The following LRP1B variants were observed in gnomAD, a reference collection of about 807,000 sequenced individuals.
The protein encoded by LRP1B is LDL receptor related protein 1B, also known as low-density lipoprotein receptor-related protein 1B.
LRP1B carries 217 observed loss-of-function variants against 556.6 expected under a neutral mutation model. The observed-to-expected ratio is 0.39, with a 90% CI of 0.35 to 0.44. The LOEUF (loss-of-function observed/expected upper bound fraction) is 0.44. Among genes scored for constraint, LRP1B ranks in the 20% least tolerant of loss-of-function variants. The pLI is 1.00. For synonymous variants in LRP1B, 2,047 were observed against 1,865.8 expected, an observed-to-expected ratio of 1.10 and a Z score of -2.50; for missense variants, 5,053 against 5,620.8, an observed-to-expected ratio of 0.90 and a Z score of 3.23.
rs147804652 is a variant in LRP1B, at chr2:141,433,105, A to G, written c.343+47291T>C. ...ATGTTTTCATTTTCATTCATCTCAA[A>G]GTATTTTCTAACTTTACTTGTGATA... On this transcript the variant is annotated intron_variant, in intron 3 of 90. Transcript: ENST00000389484. 8.8e-3 allele frequency among the ~76,000 whole-genome samples: 1,344 copies of G among 152,158 alleles called. 18 individuals carry two copies. The highest frequency in any genetic ancestry group is 0.031 in the African/African-American group (1,277 of 41,552).
At chr2:140,376,282 A>T (rs1176806446) in intron 68 of LRP1B, among the ~76,000 whole-genome samples, 1 of 145,594 alleles carries the variant, frequency 6.9e-6, no homozygotes, top group Non-Finnish European at 1.5e-5. Flanking sequence ...GATTTTAAAG[A>T]AGTAGTAGTA....
At chr2:141,528,621 T>C (rs952643806) in intron 2 of LRP1B, among the ~76,000 whole-genome samples, 8 of 152,140 alleles carry the variant, frequency 5.3e-5, no homozygotes, top group African/African-American at 1.4e-4. Flanking sequence ...ATGACAGATA[T>C]GTGATTTGAG....
intron 41 of LRP1B, among the ~76,000 whole-genome samples, chr2:140,660,876 T>G (rs866292221): frequency 0.015 from 2,202 of 151,738 alleles, 54 homozygotes; most frequent in African/African-American, 0.05. Context: ...TTTGTGTTTT[T>G]TTTTTTTTTA....
At chr2:140,942,816 C>T (rs1408551462) in intron 20 of LRP1B, among the ~76,000 whole-genome samples, 3 of 152,062 alleles carry the variant, frequency 2.0e-5, no homozygotes, top group Non-Finnish European at 4.4e-5. Flanking sequence ...AAGAATAATA[C>T]TTGCCACTAC....
chr2:141,726,812 T>C (rs1042798099), intron 2 of LRP1B, among the ~76,000 whole-genome samples: 4 of 152,106 alleles, frequency 2.6e-5, no homozygotes, highest in African/African-American at 7.2e-5. Flanking sequence ...AGTTTGTTCA[T>C]AGAATTGATT....
chr2:140,676,977 T>G (rs72979882), intron 41 of LRP1B, among the ~76,000 whole-genome samples: 2,745 of 152,262 alleles, frequency 0.018, 85 homozygotes, highest in African/African-American at 0.062. Context: ...CAAAAACAAA[T>G]GAACAATCAT....
intron 1 of LRP1B, among the ~76,000 whole-genome samples, chr2:142,064,297 C>A (rs1705023010): frequency 6.6e-6 from 1 of 151,546 alleles, no homozygotes; most frequent in Non-Finnish European, 1.5e-5. Flanking sequence ...ACCCAACCAC[C>A]AAAATGGCTT....
chr2:141,382,892 A>G (rs2104890105), intron 3 of LRP1B, among the ~76,000 whole-genome samples: 1 of 152,292 alleles, frequency 6.6e-6, no homozygotes, highest in Admixed American at 6.5e-5. Flanking sequence ...GAAACTAAAA[A>G]GCTTTTTGCC....
At chr2:141,005,541 CTT>C in intron 14 of LRP1B, 84 bp from the exon 15 acceptor site, 1 of 1,175,722 alleles carries the variant, frequency 8.5e-7, no homozygotes, top group Non-Finnish European at 1.2e-6. Context: ...ATTACATACA[CTT>C]ATATATGCTA....
intron 31 of LRP1B, among the ~76,000 whole-genome samples, chr2:140,819,566 G>A (rs1042220488): frequency 2.6e-5 from 4 of 152,000 alleles, no homozygotes; most frequent in Non-Finnish European, 5.9e-5. Flanking sequence ...AAACTTCACA[G>A]AAAAGAGAAC....
intron 3 of LRP1B, among the ~76,000 whole-genome samples, chr2:141,271,413 G>A (rs1370750962): frequency 3.3e-5 from 5 of 150,538 alleles, no homozygotes; most frequent in African/African-American, 1.2e-4. Flanking sequence ...TGTCCAAGTA[G>A]GATAAACACA....
intron 2 of LRP1B, among the ~76,000 whole-genome samples, chr2:141,611,292 G>A (rs1688101131): frequency 6.6e-6 from 1 of 152,158 alleles, no homozygotes; most frequent in South Asian, 2.1e-4. Context: ...ATAAGGAAAA[G>A]TTATGACACA....
chr2:141,225,799 G>A (rs952228183), intron 6 of LRP1B, among the ~76,000 whole-genome samples: 17 of 151,988 alleles, frequency 1.1e-4, no homozygotes, highest in African/African-American at 3.6e-4. Context: ...TAGGAATGAT[G>A]TACAATGTTA....
At chr2:140,996,128 A>C (rs182612597) in intron 15 of LRP1B, among the ~76,000 whole-genome samples, 36 of 152,092 alleles carry the variant, frequency 2.4e-4, no homozygotes, top group Admixed American at 1.3e-4. Flanking sequence ...AATCAGGGTA[A>C]AATCTTAGAT....
chr2:142,097,277 T>C (rs1447788537), intron 1 of LRP1B, among the ~76,000 whole-genome samples: 1 of 151,710 alleles, frequency 6.6e-6, no homozygotes, highest in Non-Finnish European at 1.5e-5. Context: ...GTAAAGCCTT[T>C]CTTTCTTACT....
chr2:141,156,683 T>G (rs1207295970), intron 7 of LRP1B, among the ~76,000 whole-genome samples: 2 of 151,354 alleles, frequency 1.3e-5, no homozygotes, highest in Non-Finnish European at 2.9e-5. Flanking sequence ...AGTGTAGAAA[T>G]GGCATGTTAC....
chr2:141,250,765 G>T (rs1684232337), intron 4 of LRP1B, among the ~76,000 whole-genome samples: 1 of 152,084 alleles, frequency 6.6e-6, no homozygotes, highest in Non-Finnish European at 1.5e-5. Flanking sequence ...GATAATGTCA[G>T]AATTGGGTTG....
intron 2 of LRP1B, among the ~76,000 whole-genome samples, chr2:141,534,903 C>T (rs866381744): frequency 9.2e-5 from 14 of 152,118 alleles, no homozygotes; most frequent in African/African-American, 2.9e-4. Flanking sequence ...TGTTTCCCCC[C>T]ACTACTTCCT....
chr2:141,748,407 G>A (rs1459122705), intron 2 of LRP1B, among the ~76,000 whole-genome samples: 3 of 152,128 alleles, frequency 2.0e-5, no homozygotes, highest in Non-Finnish European at 4.4e-5. Flanking sequence ...TCTAGCACAA[G>A]TTTCCCAATT....
Sources: gnomAD v4.1 joint callset for allele counts (sites outside exome capture counted in the v4.1 genomes callset) on GRCh38, gnomAD v4.1.1 for gene constraint, MANE v1.5 for transcripts, NCBI Gene and HGNC (gene_info 2026-07-23, HGNC 2026-07-21) for gene names.